Variants in MAP3K10 observed in about 807,000 individuals in gnomAD.
MAP3K10 encodes mitogen-activated protein kinase kinase kinase 10.
MAP3K10 carries 22 observed loss-of-function variants against 75.0 expected under a neutral mutation model. That is an observed-to-expected ratio of 0.29 (90% CI 0.21 to 0.42). The LOEUF is 0.42. MAP3K10 is among the 10% of genes least tolerant of loss of function. MAP3K10 has a pLI of 1.00. For missense variants in MAP3K10, 1,165 were observed against 1,379.8 expected (o/e 0.84, Z 2.47); for synonymous variants, 599 against 612.9 (o/e 0.98, Z 0.34).
At chr19:40,203,608 T>A (rs1403146742) in intron 2 of MAP3K10, among the ~76,000 whole-genome samples, 1 of 152,234 alleles carries the variant, frequency 6.6e-6, no homozygotes, top group East Asian at 1.9e-4. Flanking sequence ...GCCCCTTACC[T>A]CTCTGAGCGT....
Position 40,214,007 on chromosome 19 carries a change from A to ACCCCCCCCCCCC in MAP3K10, c.2330_2331insCCCCCCCCCCCC (p.Pro778_Ser779insProProProPro). On this transcript the variant is annotated inframe_insertion, in exon 9 of 10. Coordinates refer to ENST00000253055, the MANE Select transcript of MAP3K10 (RefSeq NM_002446.4). Reference sequence around the variant, plus strand: ...AGGCCGCACCGGCCGCGCCCTCCCCACCACCCTCCCCGCCCGCGCCCACAC... The same window carrying ACCCCCCCCCCCC: ...AGGCCGCACCGGCCGCGCCCTCCCCACCCCCCCCCCCCCCACCCTCCCCGCCCGCGCCCACAC... 1.9e-5 allele frequency: 10 copies of ACCCCCCCCCCCC among 512,942 alleles called. No individual in the cohort carries two copies. In the East Asian group the frequency reaches 2.6e-4, roughly 13 times the overall value. 31.8% of individuals were successfully genotyped at this position (512,942 alleles called of 1,614,324 possible).
chr19:40,213,616 CG>C lies in MAP3K10; in HGVS notation c.1942del (p.Ala648ArgfsTer29). Reference protein sequence around the residue: ...LSVPLPAEPSPGARAPWEPTP... With the variant: ...LSVPLPAEPSXGARAPWEPTP... ...GTGCCACTGCCTGCCGAGCCCTCCC[CG>C]GGGGCGCGGGCGCCGTGGGAGCCGA... On this transcript the variant is annotated frameshift_variant, in exon 9 of 10. Transcript: ENST00000253055. LOFTEE classifies it high-confidence loss of function. The surrounding 1 kb of genome is among the most constrained non-coding windows in gnomAD (Gnocchi z 5.7). 6.4e-7 allele frequency: 1 copy of C among 1,553,252 alleles called. No homozygotes were observed. The highest frequency in any genetic ancestry group is 8.7e-7 in the Non-Finnish European group (1 of 1,152,474).
Position 40,215,185 on chromosome 19 carries a change from G to A in MAP3K10, c.2758G>A (p.Glu920Lys), listed in dbSNP as rs1464007900. 6.3e-7 allele frequency: 1 copy of A among 1,594,238 alleles called. No homozygotes were observed. The highest frequency in any genetic ancestry group is 8.5e-7 in the Non-Finnish European group (1 of 1,171,302). The change falls in exon 10 of 10, where the codon GAG (glutamate) becomes AAG (lysine). Residue 920 changes from glutamate to lysine, a missense_variant. Physicochemically the swap from Glu to Lys is moderately conservative, Grantham distance 56. Transcript: ENST00000253055. ...GCCTCCCAGCAGGCCAGACACTCCG[G>A]AGAGCCCTGGGCCCCCCAGCGTGCA... ...ISPPSRPDTP[E>K]SPGPPSVQPT...
intron 1 of MAP3K10, among the ~76,000 whole-genome samples, chr19:40,195,267 T>G (rs1972883576): frequency 6.6e-6 from 1 of 151,924 alleles, no homozygotes; most frequent in Non-Finnish European, 1.5e-5. Flanking sequence ...ACATAAAGAT[T>G]TTGAAGGGGG....
At chr19:40,195,354 G>C (rs1032366946) in intron 1 of MAP3K10, among the ~76,000 whole-genome samples, 3 of 151,756 alleles carry the variant, frequency 2.0e-5, no homozygotes, top group Non-Finnish European at 4.4e-5. Context: ...ACAGGGTTTC[G>C]ATACAAACAG....
At chr19:40,208,365 TTTTTG>T (rs1381118524) in intron 5 of MAP3K10, among the ~76,000 whole-genome samples, 8 of 130,070 alleles carry the variant, frequency 6.2e-5, no homozygotes, top group African/African-American at 1.7e-4. Context: ...TTTTTTTTTT[TTTTTG>T]TATTTTTAGT....
At position 40,214,010 on chromosome 19, in the gene MAP3K10, A is replaced by ACCCCCCCCCCC; in HGVS notation, c.2334_2335insCCCCCCCCCCC (p.Ser779ProfsTer47). ...CCGCACCGGCCGCGCCCTCCCCACC[A>ACCCCCCCCCCC]CCCTCCCCGCCCGCGCCCACACCCA... On this transcript the variant is annotated frameshift_variant, in exon 9 of 10. Coordinates refer to ENST00000253055, the MANE Select transcript of MAP3K10 (RefSeq NM_002446.4). LOFTEE classifies it high-confidence loss of function. 2 of 726,372 alleles carry ACCCCCCCCCCC rather than the reference A, an allele frequency of 2.8e-6. No homozygotes were observed. Among genetic ancestry groups the ACCCCCCCCCCC allele is most frequent in the Non-Finnish European group, 3.7e-6 (2 of 538,530 alleles). The allele number at this position is 726,372 out of a possible 1,614,324, so 45.0% of individuals were successfully genotyped here. A position where few individuals can be genotyped will look rare whatever the true frequency, so the allele number is the denominator to read the frequency against.
In MAP3K10 at chr19:40,204,449, G is replaced by A. The variant is rs1481672890; in HGVS notation, c.864-36G>A. 1 of 1,597,816 alleles carries A rather than the reference G, an allele frequency of 6.3e-7. No homozygotes were observed. Among genetic ancestry groups the A allele is most frequent in the Non-Finnish European group, 8.5e-7 (1 of 1,173,532 alleles). On this transcript the variant is annotated intron_variant, in intron 2 of 9. Transcript: ENST00000253055. This position sits in a 1 kb window ranked among gnomAD's most constrained non-coding sequence, Gnocchi z 4.3. ...TGGGTATAGGTGAGGATTGGGGTGG[G>A]CTGCGACATCACCCCTCCCTCTCCC...
In MAP3K10 at chr19:40,205,971, G is replaced by C; in HGVS notation, c.1249G>C (p.Glu417Gln). The change falls in exon 5 of 10, where the codon GAG (glutamate) becomes CAG (glutamine). Residue 417 changes from glutamate to glutamine, a missense_variant. This residue lies in a region of MAP3K10 where 575 missense variants were observed against 793.2 expected (regional missense o/e 0.72). Coordinates refer to ENST00000253055, the MANE Select transcript of MAP3K10 (RefSeq NM_002446.4). This position sits in a 1 kb window ranked among gnomAD's most constrained non-coding sequence, Gnocchi z 4.3. ...GGCACAGGAGCAGCGCTTCCAGGAGGAGCAGCTGCGGCGGCGGGAGCAGGA... is the reference window on the plus strand; with the variant it reads ...GGCACAGGAGCAGCGCTTCCAGGAGCAGCAGCTGCGGCGGCGGGAGCAGGA... ...RAAQEQRFQE[E>Q]QLRRREQELA... 5 of 1,609,516 alleles carry C rather than the reference G, an allele frequency of 3.1e-6. No individual in the cohort carries two copies. The highest frequency in any genetic ancestry group is 4.2e-6 in the Non-Finnish European group (5 of 1,177,780).
In MAP3K10 at chr19:40,200,139, A is replaced by C. The variant is rs573050345; in HGVS notation, c.863+1584A>C. ...CATGGTGAAACCCCATCTCTACTAA[A>C]AATACAAAAATTAGCCAGGCATGGT... On this transcript the variant is annotated intron_variant, in intron 2 of 9. Transcript: ENST00000253055. Among the ~76,000 whole-genome samples the C allele has an allele frequency of 5.3e-5, 8 of 152,342 alleles. No individual in the cohort carries two copies. The South Asian group carries it at 8.3e-4, about 16-fold the overall frequency.
At position 40,198,469 on chromosome 19, in the gene MAP3K10, C is replaced by A. The variant is rs1422961889; in HGVS notation, c.777C>A (p.Thr259=). 1.2e-6 allele frequency: 2 copies of A among 1,614,086 alleles called. No individual in the cohort carries two copies. The highest frequency in any genetic ancestry group is 1.7e-6 in the Non-Finnish European group (2 of 1,180,048). The change falls in exon 2 of 10, where the codon ACC becomes ACA. Residue 259 remains threonine, a synonymous_variant. Coordinates refer to ENST00000253055, the MANE Select transcript of MAP3K10 (RefSeq NM_002446.4). The surrounding 1 kb of genome is among the most constrained non-coding windows in gnomAD (Gnocchi z 4.3). ...TCGCCCGCGAGTGGCACAAGACCAC[C>A]AAGATGAGCGCTGCGGGGACCTACG... ...FGLAREWHKT[T]KMSAAGTYAW... is the part of the protein sequence containing the mutation.
In MAP3K10 at chr19:40,198,691, C is replaced by T; in HGVS notation, c.863+136C>T. The T allele has an allele frequency of 1.2e-6, 1 of 867,880 alleles. No individual in the cohort carries two copies. The highest frequency in any genetic ancestry group is 1.7e-6 in the Non-Finnish European group (1 of 577,218). 53.8% of individuals were successfully genotyped at this position (867,880 alleles called of 1,614,324 possible). On this transcript the variant is annotated intron_variant, in intron 2 of 9. Coordinates refer to ENST00000253055, the MANE Select transcript of MAP3K10 (RefSeq NM_002446.4). This position sits in a 1 kb window ranked among gnomAD's most constrained non-coding sequence, Gnocchi z 4.3. ...AAGGGACCTGCTGGCAAGGTCAGGC[C>T]ACCAGACAAGTGCCAGTTACCTGTT...
Position 40,204,437 on chromosome 19 carries a change from G to A in MAP3K10, c.864-48G>A. The A allele has an allele frequency of 6.3e-7, 1 of 1,590,432 alleles. No individual in the cohort carries two copies. The highest frequency in any genetic ancestry group is 1.1e-5 in the South Asian group (1 of 88,928). ...CAAGGGCAGGGCTGGGTATAGGTGA[G>A]GATTGGGGTGGGCTGCGACATCACC... On this transcript the variant is annotated intron_variant, in intron 2 of 9. Transcript: ENST00000253055. This position sits in a 1 kb window ranked among gnomAD's most constrained non-coding sequence, Gnocchi z 4.3.
intron 5 of MAP3K10, among the ~76,000 whole-genome samples, chr19:40,208,345 C>CTTTAT (rs1555756622): frequency 1.8e-5 from 1 of 55,916 alleles, no homozygotes; most frequent in Non-Finnish European, 3.3e-5. Flanking sequence ...CTCTTTCTTT[C>CTTTAT]TTTTTTTTTT....
At position 40,192,140 on chromosome 19, in the gene MAP3K10, C is replaced by T. The variant is rs1413292320; in HGVS notation, c.109C>T (p.Leu37=). The change falls in exon 1 of 10, where the codon CTG becomes TTG. Residue 37 remains leucine, a synonymous_variant. Coordinates refer to ENST00000253055, the MANE Select transcript of MAP3K10 (RefSeq NM_002446.4). The surrounding 1 kb of genome is among the most constrained non-coding windows in gnomAD (Gnocchi z 7.1). Reference sequence around the variant, plus strand: ...GGCGGCGGGCGACGAGGAGCTGACCCTGCGGAGGGGCGATCGCGTCCAGGT... The same window carrying T: ...GGCGGCGGGCGACGAGGAGCTGACCTTGCGGAGGGGCGATCGCGTCCAGGT... ...YEAAGDEELT[L]RRGDRVQVLS... is the part of the protein sequence containing the mutation. 2 of 1,594,596 alleles carry T rather than the reference C, an allele frequency of 1.3e-6. No homozygotes were observed. The highest frequency in any genetic ancestry group is 1.1e-5 in the South Asian group (1 of 88,118).
chr19:40,199,038 G>C (rs1972969464), intron 2 of MAP3K10, among the ~76,000 whole-genome samples: 1 of 152,172 alleles, frequency 6.6e-6, no homozygotes, highest in Non-Finnish European at 1.5e-5. Context: ...CTGCACTCCA[G>C]CCTGGGTGAC....
At position 40,214,975 on chromosome 19, in the gene MAP3K10, C is replaced by G. The variant is rs766279761; in HGVS notation, c.2548C>G (p.Arg850Gly). The G allele has an allele frequency of 6.5e-6, 10 of 1,548,526 alleles. No individual in the cohort carries two copies. In the South Asian group the frequency reaches 7.9e-5, roughly 12 times the overall value. Reference sequence around the variant, plus strand: ...CTCTGAACCTCTCTTACCAGGCCCTCGTGACCTTCTGGACTTCCCCCGCCT... The same window carrying G: ...CTCTGAACCTCTCTTACCAGGCCCTGGTGACCTTCTGGACTTCCCCCGCCT... ...PEPAGHGPGP[R>G]DLLDFPRLPD... Residue 850 changes from arginine (R) to glycine (G), a missense_variant, in exon 10 of 10, where the codon CGT becomes GGT. Around this residue, in one of 2 missense-constraint regions of MAP3K10, gnomAD observed 590 missense variants for 586.6 expected, o/e 1.01. Coordinates refer to ENST00000253055, the MANE Select transcript of MAP3K10 (RefSeq NM_002446.4).
At chr19:40,210,565 G>A (rs1236259349) in intron 6 of MAP3K10, among the ~76,000 whole-genome samples, 11 of 152,158 alleles carry the variant, frequency 7.2e-5, no homozygotes, top group Admixed American at 7.2e-4. Context: ...GCTAGGCGTG[G>A]TGGCGCATGC....
At position 40,204,640 on chromosome 19, in the gene MAP3K10, C is replaced by T. The variant is rs190847621; in HGVS notation, c.1012+7C>T. 3.0e-5 allele frequency: 48 copies of T among 1,610,494 alleles called. No homozygotes were observed. The highest frequency in any genetic ancestry group is 3.5e-4 in the Middle Eastern group (2 of 5,642). Reference sequence around the variant, plus strand: ...TTTGCCCGCCTCCTGGAGGGTGAGCCGGGGCCCCGTGACGAGGGTAGGCTC... The same window carrying T: ...TTTGCCCGCCTCCTGGAGGGTGAGCTGGGGCCCCGTGACGAGGGTAGGCTC... On this transcript the variant is annotated splice_region_variant and intron_variant, in intron 3 of 9. Coordinates refer to ENST00000253055, the MANE Select transcript of MAP3K10 (RefSeq NM_002446.4). The surrounding 1 kb of genome is among the most constrained non-coding windows in gnomAD (Gnocchi z 4.3).
Sources: allele counts gnomAD v4.1 joint callset (sites outside exome capture counted in the v4.1 genomes callset), GRCh38; gene constraint gnomAD v4.1.1; regional missense constraint gnomAD v4.1.1; non-coding constraint Gnocchi (gnomAD v3.1); transcripts MANE v1.5; gene names NCBI Gene and HGNC (gene_info 2026-07-23, HGNC 2026-07-21).